PTPRJ: variants seen among roughly 807,000 people sequenced by gnomAD.
The protein encoded by PTPRJ is protein tyrosine phosphatase receptor type J.
PTPRJ carries 129 observed loss-of-function variants against 141.3 expected under a neutral mutation model. The observed-to-expected ratio is 0.91, with a 90% CI of 0.79 to 1.06. The LOEUF is 1.06. Ranked by LOEUF, PTPRJ falls within the 50% of genes least tolerant of loss-of-function variation. The pLI, the probability that PTPRJ is intolerant of heterozygous loss-of-function variation, is 0.00. For synonymous variants in PTPRJ, 610 were observed against 640.5 expected (o/e 0.95, Z 0.72); for missense variants, 1,601 against 1,679.7 (o/e 0.95, Z 0.82).
chr11:48,123,318 A>G (rs971904849), intron 4 of PTPRJ, among the ~76,000 whole-genome samples: 2 of 152,206 alleles, frequency 1.3e-5, no homozygotes, highest in Non-Finnish European at 2.9e-5. Flanking sequence ...TCCAGTCACT[A>G]TTGGGGTTAA....
chr11:47,982,244 G>T (rs936230427), intron 1 of PTPRJ, among the ~76,000 whole-genome samples: 1 of 152,226 alleles, frequency 6.6e-6, no homozygotes, highest in African/African-American at 2.4e-5. Context: ...GTGACCTCCT[G>T]CAGAGAACCT....
chr11:48,073,733 T>C (rs1288890900), intron 1 of PTPRJ, among the ~76,000 whole-genome samples: 2 of 152,194 alleles, frequency 1.3e-5, no homozygotes, highest in African/African-American at 4.8e-5. Flanking sequence ...TTCTCCTTTT[T>C]TTCTGGGTGA....
At chr11:48,074,287 T>C (rs1285399580) in intron 1 of PTPRJ, among the ~76,000 whole-genome samples, 4 of 152,260 alleles carry the variant, frequency 2.6e-5, no homozygotes, top group Non-Finnish European at 1.5e-5. Context: ...GTTCCTAATT[T>C]ATTTTTGCAG....
chr11:48,054,852 C>T (rs574493847), intron 1 of PTPRJ, among the ~76,000 whole-genome samples: 7 of 149,450 alleles, frequency 4.7e-5, no homozygotes, highest in African/African-American at 1.5e-4. Flanking sequence ...TCCCCATTCT[C>T]ACAGGGTGTT....
chr11:48,100,424 A>T (rs1856122369), intron 1 of PTPRJ, among the ~76,000 whole-genome samples: 1 of 152,194 alleles, frequency 6.6e-6, no homozygotes, highest in Non-Finnish European at 1.5e-5. Context: ...TGCCCCTCGT[A>T]TGCTAAGTGC....
chr11:48,002,296 C>T (rs919227677), intron 1 of PTPRJ, among the ~76,000 whole-genome samples: 1 of 151,964 alleles, frequency 6.6e-6, no homozygotes, highest in African/African-American at 2.4e-5. Context: ...TGCCGCCACA[C>T]CTGGCTAGTT....
rs767610149 is a variant in PTPRJ at position 48,044,104 on chromosome 11, C to T, written c.96+63096C>T. Reference sequence around the variant, plus strand: ...TCCTGCAGGAGGGACTGCGCACATGCGAAAGACATGAGGAAGCTCTGATGC... The same window carrying T: ...TCCTGCAGGAGGGACTGCGCACATGTGAAAGACATGAGGAAGCTCTGATGC... On this transcript the variant is annotated intron_variant, in intron 1 of 24. Coordinates refer to ENST00000418331, the MANE Select transcript of PTPRJ (RefSeq NM_002843.4). 5.3e-5 allele frequency among the ~76,000 whole-genome samples: 8 copies of T among 152,206 alleles called. No individual in the cohort carries two copies. In the East Asian group the frequency reaches 7.7e-4, roughly 15 times the overall value.
In PTPRJ at chr11:47,980,604, G is replaced by T; in HGVS notation, c.-309G>T. On this transcript the variant is annotated 5_prime_UTR_variant, in exon 1 of 25. Coordinates refer to ENST00000418331, the MANE Select transcript of PTPRJ (RefSeq NM_002843.4). ...CGGAGGAGGCAGCGGGAGCAGCCGC[G>T]GGAGCCGGGACCGGGTAGCCGCGCG... is the stretch of plus-strand genomic sequence containing the variant. The T allele has an allele frequency of 3.1e-6, 3 of 983,396 alleles. No individual in the cohort carries two copies. Among genetic ancestry groups the T allele is most frequent in the Non-Finnish European group, 3.6e-6 (3 of 829,436 alleles). 60.9% of individuals were successfully genotyped at this position (983,396 alleles called of 1,614,324 possible).
intron 1 of PTPRJ, among the ~76,000 whole-genome samples, chr11:48,024,155 T>C (rs978685715): frequency 6.6e-5 from 10 of 152,034 alleles, no homozygotes; most frequent in African/African-American, 2.4e-4. Flanking sequence ...CCAAATAGAC[T>C]GTTTGCTCAT....
chr11:48,034,294 CT>C (rs755467544), intron 1 of PTPRJ, among the ~76,000 whole-genome samples: 2 of 151,264 alleles, frequency 1.3e-5, no homozygotes, highest in African/African-American at 4.9e-5. Flanking sequence ...TAACCAGGGC[CT>C]TTTTTTTTCT....
At chr11:48,154,198 G>T (rs1005210916) in intron 19 of PTPRJ, among the ~76,000 whole-genome samples, 1 of 152,212 alleles carries the variant, frequency 6.6e-6, no homozygotes, top group African/African-American at 2.4e-5. Context: ...ACTCGGCTTT[G>T]TACTAGGTCT....
intron 6 of PTPRJ, among the ~76,000 whole-genome samples, chr11:48,126,817 C>CAT (rs1555051849): frequency 0.046 from 6,735 of 146,556 alleles, 201 homozygotes; most frequent in East Asian, 0.16. Flanking sequence ...CACACACACA[C>CAT]ACAGATAAAC....
Position 48,168,755 on chromosome 11 carries a change from C to T in PTPRJ, c.*1393C>T, listed in dbSNP as rs1857986830. 2 of 147,446 alleles carry T rather than the reference C, an allele frequency of 1.4e-5. No homozygotes were observed. Among genetic ancestry groups the T allele is most frequent in the Admixed American group, 6.8e-5 (1 of 14,778 alleles). The allele number at this position is 147,446 out of a possible 1,614,324, so 9.1% of individuals were successfully genotyped here. On this transcript the variant is annotated 3_prime_UTR_variant, in exon 25 of 25. Transcript: ENST00000418331. ...TTTTTTGCTTCAGGTGTGTATCCAC[C>T]AAGAATTTCAAATTTATGTGGATTT...
At chr11:48,084,097 G>A (rs1421743084) in intron 1 of PTPRJ, among the ~76,000 whole-genome samples, 1 of 152,208 alleles carries the variant, frequency 6.6e-6, no homozygotes, top group Non-Finnish European at 1.5e-5. Flanking sequence ...CAAACTGGGA[G>A]ATGCTGCGTT....
chr11:47,993,097 A>G lies in PTPRJ; in HGVS notation c.96+12089A>G, dbSNP rs545156100. ...CCATTCCTGCAGCAGGTAAGCAGGAAGAACCAAATTGTCGAGAGGCACTTC... is the reference window on the plus strand; with the variant it reads ...CCATTCCTGCAGCAGGTAAGCAGGAGGAACCAAATTGTCGAGAGGCACTTC... On this transcript the variant is annotated intron_variant, in intron 1 of 24. Transcript: ENST00000418331. Among the ~76,000 whole-genome samples, 9 of 152,306 alleles carry G rather than the reference A, an allele frequency of 5.9e-5. No homozygotes were observed. In the East Asian group the frequency reaches 1.7e-3, roughly 29 times the overall value.
chr11:48,037,362 G>C (rs1854153020), intron 1 of PTPRJ, among the ~76,000 whole-genome samples: 1 of 152,176 alleles, frequency 6.6e-6, no homozygotes. Context: ...GCCTCATAAT[G>C]AGATTGCCAA....
At chr11:48,038,077 T>TG (rs1245650992) in intron 1 of PTPRJ, among the ~76,000 whole-genome samples, 21 of 152,134 alleles carry the variant, frequency 1.4e-4, no homozygotes, top group Non-Finnish European at 2.4e-4. Context: ...TGCTGCTCTC[T>TG]GTGTCTGTTG....
At chr11:48,033,381 A>C (rs1014430572) in intron 1 of PTPRJ, among the ~76,000 whole-genome samples, 2 of 152,126 alleles carry the variant, frequency 1.3e-5, no homozygotes. Context: ...GAGGGAGGAC[A>C]TGAAGGCTGG....
At chr11:48,078,914 C>T (rs1855488183) in intron 1 of PTPRJ, among the ~76,000 whole-genome samples, 1 of 149,704 alleles carries the variant, frequency 6.7e-6, no homozygotes, top group Admixed American at 6.7e-5. Context: ...GACCATATGG[C>T]CTGCAAAGAC....
Sources: gnomAD v4.1 joint callset for allele counts (sites outside exome capture counted in the v4.1 genomes callset) on GRCh38, gnomAD v4.1.1 for gene constraint, MANE v1.5 for transcripts, NCBI Gene and HGNC (gene_info 2026-07-23, HGNC 2026-07-21) for gene names.